The following NCALD variants were observed in gnomAD, a reference collection of about 807,000 sequenced individuals.
NCALD encodes the protein neurocalcin-delta.
Under a neutral mutation model 18.6 loss-of-function variants are expected in NCALD, and 10 were observed. The ratio of observed to expected loss-of-function variants is 0.54; its 90% CI spans 0.33 to 0.91. The LOEUF is 0.91. Among genes scored for constraint, NCALD ranks in the 40% least tolerant of loss-of-function variants. The pLI is 0.03. For synonymous variants in NCALD, 88 were observed against 87.4 expected (o/e 1.01, Z -0.04); for missense variants, 184 against 247.6 (o/e 0.74, Z 1.72).
chr8:101,780,915 T>C (rs1811987051), intron 1 of NCALD, among the ~76,000 whole-genome samples: 2 of 152,208 alleles, frequency 1.3e-5, no homozygotes, highest in South Asian at 2.1e-4. Flanking sequence ...GGGATGCTGA[T>C]GGAACAGTTA....
At chr8:101,890,223 G>A (rs1816823367) in intron 3 of NCALD, among the ~76,000 whole-genome samples, 1 of 152,138 alleles carries the variant, frequency 6.6e-6, no homozygotes, top group African/African-American at 2.4e-5. Context: ...GCACATCACA[G>A]AAGAGAAAAA....
intron 4 of NCALD, among the ~76,000 whole-genome samples, chr8:101,875,810 C>G (rs1014405467): frequency 6.6e-6 from 1 of 152,210 alleles, no homozygotes; most frequent in African/African-American, 2.4e-5. Flanking sequence ...CTCACTGATT[C>G]AAATCCCTAA....
rs528294268 is a variant in NCALD, at chr8:101,930,599, C to T, written c.-156-14741G>A. ...ACCCTAAATGGCAAGCAGGAGAAGG[C>T]CTATGCTCCCAGTTTAATAAATTAG... On this transcript the variant is annotated intron_variant, in intron 2 of 6. Coordinates refer to the NCALD transcript ENST00000311028. Among the ~76,000 whole-genome samples, 3 of 151,970 alleles carry T rather than the reference C, an allele frequency of 2.0e-5. No homozygotes were observed. The South Asian group carries it at 6.2e-4, about 32-fold the overall frequency.
chr8:101,757,583 C>T (rs1347974185), intron 1 of NCALD, among the ~76,000 whole-genome samples: 1 of 152,058 alleles, frequency 6.6e-6, no homozygotes, highest in African/African-American at 2.4e-5. Flanking sequence ...TCCAATGTTC[C>T]AAAAATATTT....
At chr8:101,760,000 G>C (rs1811046622) in intron 1 of NCALD, among the ~76,000 whole-genome samples, 1 of 152,146 alleles carries the variant, frequency 6.6e-6, no homozygotes, top group Non-Finnish European at 1.5e-5. Context: ...CAGACCCCAA[G>C]GGGTTGGTCA....
chr8:101,804,496 T>C (rs1813003859), intron 4 of NCALD, among the ~76,000 whole-genome samples: 1 of 116,816 alleles, frequency 8.6e-6, no homozygotes, highest in South Asian at 2.2e-4. Flanking sequence ...ATATAATTAA[T>C]ATAATTAATT....
intron 2 of NCALD, among the ~76,000 whole-genome samples, chr8:101,932,622 G>T (rs934927982): frequency 8.2e-4 from 125 of 151,654 alleles, no homozygotes; most frequent in African/African-American, 2.8e-3. Context: ...GTACACGAGA[G>T]AAAAAAAAGA....
At chr8:102,120,273 C>T (rs1034660374) in intron 1 of NCALD, among the ~76,000 whole-genome samples, 1 of 152,146 alleles carries the variant, frequency 6.6e-6, no homozygotes, top group Non-Finnish European at 1.5e-5. Flanking sequence ...GCTGAAGAAA[C>T]ACCCCTGCTC....
At chr8:101,949,800 T>G (rs542763099) in intron 2 of NCALD, among the ~76,000 whole-genome samples, 2 of 152,272 alleles carry the variant, frequency 1.3e-5, no homozygotes, top group East Asian at 3.9e-4. Context: ...GGTGATATTA[T>G]GTATTCAAAA....
chr8:101,843,316 C>A (rs1586616548), intron 4 of NCALD, among the ~76,000 whole-genome samples: 1 of 152,192 alleles, frequency 6.6e-6, no homozygotes, highest in Non-Finnish European at 1.5e-5. Context: ...CTCAAAAATG[C>A]AAATTCTCAG....
chr8:101,692,725 G>A, intron 3 of NCALD, 66 bp downstream of exon 3: 1 of 1,505,494 alleles, frequency 6.6e-7, no homozygotes, highest in Non-Finnish European at 9.2e-7. Flanking sequence ...GCACTTCCCA[G>A]TCTGGACTCT....
At chr8:101,792,400 C>T (rs1057459815), upstream of NCALD, among the ~76,000 whole-genome samples, 5 of 152,130 alleles carry the variant, frequency 3.3e-5, no homozygotes, top group Non-Finnish European at 7.4e-5. Context: ...TGTCCCAGCC[C>T]CAATTGGGAG....
intron 2 of NCALD, among the ~76,000 whole-genome samples, chr8:102,005,273 A>G (rs572642502): frequency 1.3e-5 from 2 of 152,274 alleles, no homozygotes; most frequent in African/African-American, 4.8e-5. Flanking sequence ...GACACATGAA[A>G]AAATGCTCAT....
At chr8:101,808,431 G>A (rs1246997289) in intron 4 of NCALD, among the ~76,000 whole-genome samples, 3 of 152,102 alleles carry the variant, frequency 2.0e-5, no homozygotes, top group African/African-American at 4.8e-5. Context: ...CTCAAGGAGC[G>A]GCTATTACAT....
At chr8:102,019,332 T>C (rs1230823481) in intron 2 of NCALD, among the ~76,000 whole-genome samples, 1 of 152,160 alleles carries the variant, frequency 6.6e-6, no homozygotes, top group Non-Finnish European at 1.5e-5. Context: ...CATAAATTTT[T>C]AAATTGATAC....
Position 101,911,271 on chromosome 8 carries a change from G to GA in NCALD, c.-107+4537dup, listed in dbSNP as rs1359752418. On this transcript the variant is annotated intron_variant, in intron 3 of 6. Transcript: ENST00000311028. ...GAAAAATATAGGCATGTAGAGACTT[G>GA]AAAAAAAAAAGAGGAGAAGGGGGGA... Among the ~76,000 whole-genome samples the GA allele has an allele frequency of 2.3e-3, 330 of 140,788 alleles. 1 individual carries two copies. The highest frequency in any genetic ancestry group is 7.8e-3 in the African/African-American group (299 of 38,458). 92.4% of individuals were successfully genotyped at this position (140,788 alleles called of 152,430 possible). A position where few individuals can be genotyped will look rare whatever the true frequency, so the allele number is the denominator to read the frequency against.
chr8:101,731,501 T>C (rs1158763162), intron 1 of NCALD, among the ~76,000 whole-genome samples: 1 of 151,980 alleles, frequency 6.6e-6, no homozygotes, highest in Non-Finnish European at 1.5e-5. Flanking sequence ...GGAAATGGAG[T>C]TGGAATTCCA....
chr8:102,007,148 A>G (rs1821742637), intron 2 of NCALD, among the ~76,000 whole-genome samples: 1 of 152,204 alleles, frequency 6.6e-6, no homozygotes, highest in Non-Finnish European at 1.5e-5. Flanking sequence ...ATTAAACAGA[A>G]AAAAGGGCAG....
intron 1 of NCALD, among the ~76,000 whole-genome samples, chr8:102,057,257 TACACAC>T (rs3085988): frequency 1.8e-4 from 27 of 147,766 alleles, no homozygotes; most frequent in East Asian, 8.1e-4. Flanking sequence ...GGCTAGTTCA[TACACAC>T]ACACACACAC....
Sources: gnomAD v4.1 joint callset for allele counts (sites outside exome capture counted in the v4.1 genomes callset) on GRCh38, gnomAD v4.1.1 for gene constraint, MANE v1.5 for transcripts, NCBI Gene and HGNC (gene_info 2026-07-23, HGNC 2026-07-21) for gene names.